The following NBEA variants were observed in gnomAD, a reference collection of about 807,000 sequenced individuals.
NBEA encodes the protein neurobeachin, also known as lysosomal-trafficking regulator 2.
NBEA carries 44 observed loss-of-function variants against 343.4 expected under a neutral mutation model. The ratio of observed to expected loss-of-function variants is 0.13; its 90% CI spans 0.10 to 0.16. The LOEUF (loss-of-function observed/expected upper bound fraction) is 0.16, where lower values mean the gene tolerates loss of function less well. NBEA is among the 10% of genes least tolerant of loss of function. The pLI is 1.00. For synonymous variants in NBEA, 1,175 were observed against 1,238.7 expected (o/e 0.95, Z 1.08); for missense variants, 2,555 against 3,631.3 (o/e 0.70, Z 7.62).
intron 41 of NBEA, among the ~76,000 whole-genome samples, chr13:35,502,671 T>C (rs1261174568): frequency 6.6e-6 from 1 of 152,104 alleles, no homozygotes; most frequent in Admixed American, 6.6e-5. Context: ...GCTTGAAATC[T>C]GCTTATGACA....
At chr13:35,206,957 G>A (rs565919191) in intron 31 of NBEA, among the ~76,000 whole-genome samples, 227 of 152,030 alleles carry the variant, frequency 1.5e-3, no homozygotes, top group African/African-American at 5.0e-3. Context: ...TGTGCTTTAG[G>A]TAATTAGATA....
At chr13:35,520,554 G>A (rs1300501748) in intron 41 of NBEA, among the ~76,000 whole-genome samples, 2 of 152,134 alleles carry the variant, frequency 1.3e-5, no homozygotes, top group Admixed American at 6.5e-5. Context: ...AGTATCCAGG[G>A]TTACAGGAGC....
Position 34,943,067 on chromosome 13 carries a change from G to T in NBEA, c.247G>T (p.Val83Phe), listed in dbSNP as rs1365603487. 6.2e-7 allele frequency: 1 copy of T among 1,613,736 alleles called. No homozygotes were observed. Among genetic ancestry groups the T allele is most frequent in the South Asian group, 1.1e-5 (1 of 91,080 alleles). Residue 83 changes from valine (V) to phenylalanine (F), a missense_variant, in exon 1 of 59, where the codon GTC becomes TTC. By Grantham distance (50) the Val-to-Phe change is conservative (BLOSUM62 -1). Coordinates refer to ENST00000379939, the MANE Select transcript of NBEA (RefSeq NM_001385012.1). ...CGCAGTGTTGATTGGACTCATACAG[G>T]TCGGAGAGGTCAGCAACAGGGACAT... is the stretch of plus-strand genomic sequence containing the variant. ...KFAVLIGLIQ[V>F]GEVSNRDIVE...
At chr13:35,135,665 A>C (rs2067678406) in intron 17 of NBEA, among the ~76,000 whole-genome samples, 1 of 152,052 alleles carries the variant, frequency 6.6e-6, no homozygotes, top group African/African-American at 2.4e-5. Flanking sequence ...GAATAAGAAT[A>C]ATGAGTATTT....
intron 1 of NBEA, among the ~76,000 whole-genome samples, chr13:34,983,224 A>C (rs908940210): frequency 6.6e-6 from 1 of 151,952 alleles, no homozygotes; most frequent in African/African-American, 2.4e-5. Flanking sequence ...CCCTGTGTCC[A>C]AGTGTTCTCA....
intron 38 of NBEA, among the ~76,000 whole-genome samples, chr13:35,381,064 G>T (rs1164761182): frequency 6.6e-6 from 1 of 151,928 alleles, no homozygotes; most frequent in African/African-American, 2.4e-5. Context: ...ACGAATGGTA[G>T]TGATTGAATT....
At chr13:35,239,888 G>A (rs532421783) in intron 34 of NBEA, among the ~76,000 whole-genome samples, 2 of 151,868 alleles carry the variant, frequency 1.3e-5, no homozygotes, top group South Asian at 4.2e-4. Context: ...TCATTTACCT[G>A]CAACATTTTG....
chr13:35,223,257 TA>T, intron 33 of NBEA, among the ~76,000 whole-genome samples: 1 of 152,242 alleles, frequency 6.6e-6, no homozygotes, highest in Non-Finnish European at 1.5e-5. Context: ...CTTGTTTGTA[TA>T]AATCTGTTTT....
chr13:35,655,637 C>T lies in NBEA; in HGVS notation c.8250C>T (p.Ser2750=), dbSNP rs370481975. The T allele has an allele frequency of 4.5e-5, 73 of 1,613,742 alleles. No individual in the cohort carries two copies. In the African/African-American group the frequency reaches 6.5e-4, roughly 14 times the overall value. ...ATGTGGTCACTTGCTTGGCCAGGTC[C>T]GAGTCATACATTGGTGGGGACTGCT... ...HWDVVTCLAR[S]ESYIGGDCYI... Residue 2750 remains serine, a synonymous_variant, in exon 55 of 59, where the codon TCC becomes TCT. Transcript: ENST00000379939.
At chr13:35,013,515 G>A (rs2061554342) in intron 1 of NBEA, among the ~76,000 whole-genome samples, 1 of 150,980 alleles carries the variant, frequency 6.6e-6, no homozygotes, top group South Asian at 2.1e-4. Flanking sequence ...CTGTTGCCCA[G>A]GCTGGAGTGC....
intron 25 of NBEA, among the ~76,000 whole-genome samples, chr13:35,170,408 G>T (rs889687042): frequency 5.9e-5 from 9 of 151,426 alleles, no homozygotes; most frequent in Admixed American, 5.3e-4. Flanking sequence ...CCCTTCCTTG[G>T]TTCCTTGAGG....
chr13:35,418,205 C>G (rs373231642), intron 38 of NBEA, among the ~76,000 whole-genome samples: 22 of 151,986 alleles, frequency 1.4e-4, no homozygotes, highest in Middle Eastern at 3.2e-3. Flanking sequence ...GTTTGCCAGT[C>G]TGTGTCTTTT....
Position 35,030,924 on chromosome 13 carries a change from A to G in NBEA, c.295-10009A>G, listed in dbSNP as rs898474608. ...GAGCCTGATTGTTAGAATTACATAT[A>G]TTAATTGTTAATTCCTTTCACAGCC... On this transcript the variant is annotated intron_variant, in intron 1 of 58. Coordinates refer to ENST00000379939, the MANE Select transcript of NBEA (RefSeq NM_001385012.1). Among the ~76,000 whole-genome samples, 22 of 151,630 alleles carry G rather than the reference A, an allele frequency of 1.5e-4. 1 individual carries two copies. The highest frequency in any genetic ancestry group is 5.9e-5 in the Non-Finnish European group (4 of 67,620).
chr13:35,201,696 T>A (rs908906649), intron 31 of NBEA, among the ~76,000 whole-genome samples: 2 of 152,056 alleles, frequency 1.3e-5, no homozygotes, highest in Non-Finnish European at 2.9e-5. Flanking sequence ...ACATGATTTC[T>A]AAAAAGTCTC....
At chr13:34,946,496 A>T (rs1306370660) in intron 1 of NBEA, among the ~76,000 whole-genome samples, 1 of 152,074 alleles carries the variant, frequency 6.6e-6, no homozygotes, top group East Asian at 1.9e-4. Context: ...GAAAGAATTC[A>T]TAATTTTTTT....
At chr13:35,474,360 C>G (rs1405611970) in intron 41 of NBEA, 1 of 152,460 alleles carries the variant, frequency 6.6e-6, no homozygotes, top group East Asian at 1.9e-4. Context: ...ATTCAAATTT[C>G]TTTGAATATA....
intron 34 of NBEA, among the ~76,000 whole-genome samples, chr13:35,247,871 T>C (rs2031436217): frequency 6.6e-6 from 1 of 152,060 alleles, no homozygotes; most frequent in Non-Finnish European, 1.5e-5. Context: ...ACCTTTAGCT[T>C]GATTTAGGGA....
intron 1 of NBEA, among the ~76,000 whole-genome samples, chr13:35,005,683 G>GCT (rs2061294413): frequency 6.6e-6 from 1 of 152,126 alleles, no homozygotes; most frequent in Non-Finnish European, 1.5e-5. Context: ...TGTTATGATG[G>GCT]TATGGAAGCA....
At chr13:35,501,949 G>A (rs953343288) in intron 41 of NBEA, among the ~76,000 whole-genome samples, 1 of 152,078 alleles carries the variant, frequency 6.6e-6, no homozygotes, top group Non-Finnish European at 1.5e-5. Flanking sequence ...ATATACACAC[G>A]TGAACATCCT....
Sources: allele counts gnomAD v4.1 joint callset (sites outside exome capture counted in the v4.1 genomes callset), GRCh38; gene constraint gnomAD v4.1.1; transcripts MANE v1.5; gene names NCBI Gene and HGNC (gene_info 2026-07-23, HGNC 2026-07-21).